Variants in ACVR1 observed in about 807,000 individuals in gnomAD.
ACVR1 encodes activin A receptor type 1.
A neutral mutation model predicts 57.1 loss-of-function variants in ACVR1; 38 were observed. The observed-to-expected ratio is 0.67, with a 90% CI of 0.51 to 0.87. ACVR1 has a LOEUF of 0.87. Among genes scored for constraint, ACVR1 ranks in the 40% least tolerant of loss-of-function variants. The pLI is 0.00. For missense variants in ACVR1, 463 were observed against 638.2 expected (o/e 0.73, Z 2.96); for synonymous variants, 212 against 228.1 (o/e 0.93, Z 0.63).
intron 2 of ACVR1, among the ~76,000 whole-genome samples, chr2:157,808,188 T>G (rs1322197653): frequency 2.0e-5 from 3 of 152,134 alleles, no homozygotes; most frequent in Admixed American, 6.5e-5. Flanking sequence ...AATTTTTTAT[T>G]GTGTTTCTCC....
intron 9 of ACVR1, among the ~76,000 whole-genome samples, chr2:157,744,647 T>G (rs1684897238): frequency 6.6e-6 from 1 of 152,210 alleles, no homozygotes; most frequent in African/African-American, 2.4e-5. Flanking sequence ...TGGGAAACAC[T>G]GAGTTCACAG....
intron 2 of ACVR1, among the ~76,000 whole-genome samples, chr2:157,815,887 A>G (rs1258412728): frequency 6.6e-6 from 1 of 152,190 alleles, no homozygotes; most frequent in African/African-American, 2.4e-5. Context: ...TCCAATGTCA[A>G]CAGTCATGGC....
chr2:157,852,849 A>C (rs555536750), intron 1 of ACVR1, among the ~76,000 whole-genome samples: 1 of 152,318 alleles, frequency 6.6e-6, no homozygotes, highest in African/African-American at 2.4e-5. Context: ...ACACTCAGGC[A>C]CTAGGTACTG....
chr2:157,794,974 G>A (rs1257757674), intron 3 of ACVR1, among the ~76,000 whole-genome samples: 2 of 151,232 alleles, frequency 1.3e-5, no homozygotes, highest in Non-Finnish European at 1.5e-5. Context: ...GGAGACAAAG[G>A]GGTAAAAGTT....
At chr2:157,793,815 G>GT (rs1301377304) in intron 3 of ACVR1, among the ~76,000 whole-genome samples, 2 of 152,108 alleles carry the variant, frequency 1.3e-5, no homozygotes, top group Non-Finnish European at 2.9e-5. Context: ...AGCAAAGAGG[G>GT]GCACCTTTGT....
chr2:157,821,012 A>C (rs1366151516), intron 1 of ACVR1, among the ~76,000 whole-genome samples: 1 of 152,222 alleles, frequency 6.6e-6, no homozygotes, highest in Non-Finnish European at 1.5e-5. Flanking sequence ...ACTGTGGTGT[A>C]CTATAAGAAA....
At chr2:157,753,071 C>T (rs1685270000) in intron 9 of ACVR1, among the ~76,000 whole-genome samples, 1 of 152,102 alleles carries the variant, frequency 6.6e-6, no homozygotes, top group Non-Finnish European at 1.5e-5. Flanking sequence ...AAGAGACTCA[C>T]CTAACACATA....
intron 1 of ACVR1, among the ~76,000 whole-genome samples, chr2:157,849,911 A>C (rs1035352076): frequency 4.6e-5 from 7 of 152,222 alleles, no homozygotes; most frequent in African/African-American, 1.7e-4. Flanking sequence ...TTAAACCAGT[A>C]ACATTTCTAT....
intron 5 of ACVR1, among the ~76,000 whole-genome samples, chr2:157,774,903 T>C (rs1437547558): frequency 6.6e-6 from 1 of 152,118 alleles, no homozygotes; most frequent in Non-Finnish European, 1.5e-5. Flanking sequence ...GGGGGGGTCC[T>C]TTCAACTTCA....
intron 9 of ACVR1, among the ~76,000 whole-genome samples, chr2:157,744,544 GAGTT>G (rs1200961450): frequency 6.6e-6 from 1 of 152,166 alleles, no homozygotes; most frequent in African/African-American, 2.4e-5. Flanking sequence ...ACTTTGAAAA[GAGTT>G]AGCCAATTTG....
chr2:157,807,854 TGG>T (rs57885640), intron 2 of ACVR1, among the ~76,000 whole-genome samples: 4 of 31,094 alleles, frequency 1.3e-4, no homozygotes, highest in African/African-American at 3.3e-4. Flanking sequence ...TATAATAATT[TGG>T]GGGGGGGGGT....
chr2:157,816,837 C>T (rs1010692185), intron 2 of ACVR1, among the ~76,000 whole-genome samples: 4 of 152,178 alleles, frequency 2.6e-5, no homozygotes, highest in African/African-American at 7.2e-5. Flanking sequence ...AAGACACACA[C>T]ATCAACATTT....
chr2:157,803,947 A>T (rs529840910), intron 2 of ACVR1, among the ~76,000 whole-genome samples: 70 of 152,242 alleles, frequency 4.6e-4, no homozygotes, highest in African/African-American at 1.7e-3. Context: ...ATGTATTTTT[A>T]AAAAACATGT....
At chr2:157,822,847 GA>G (rs1270976286) in intron 1 of ACVR1, among the ~76,000 whole-genome samples, 2 of 152,170 alleles carry the variant, frequency 1.3e-5, no homozygotes, top group Admixed American at 6.5e-5. Flanking sequence ...TGGCCCTTTA[GA>G]AAGAGACTTT....
intron 1 of ACVR1, among the ~76,000 whole-genome samples, chr2:157,872,191 T>C (rs1199305034): frequency 6.6e-6 from 1 of 152,226 alleles, no homozygotes; most frequent in Non-Finnish European, 1.5e-5. Context: ...AAAGCCACAG[T>C]GCCCGGTGCT....
At chr2:157,782,542 A>G (rs1342986267) in intron 3 of ACVR1, among the ~76,000 whole-genome samples, 1 of 152,208 alleles carries the variant, frequency 6.6e-6, no homozygotes, top group Non-Finnish European at 1.5e-5. Flanking sequence ...ATATCTGTTG[A>G]CATAATCCAG....
At chr2:157,783,179 T>TA (rs1686591147) in intron 3 of ACVR1, among the ~76,000 whole-genome samples, 2 of 152,128 alleles carry the variant, frequency 1.3e-5, no homozygotes, top group Non-Finnish European at 2.9e-5. Flanking sequence ...TGCCAAATTT[T>TA]AAAAAAATAA....
chr2:157,817,277 G>A (rs1280711492), intron 2 of ACVR1, among the ~76,000 whole-genome samples: 1 of 152,034 alleles, frequency 6.6e-6, no homozygotes, highest in Non-Finnish European at 1.5e-5. Flanking sequence ...GCTTCTTTAT[G>A]CTTTCAAAGC....
chr2:157,827,102 G>A (rs2105339632), intron 1 of ACVR1, among the ~76,000 whole-genome samples: 1 of 152,192 alleles, frequency 6.6e-6, no homozygotes. Context: ...AGCAGTAGCA[G>A]AAAGTACCAA....
Sources: gnomAD v4.1 joint callset for allele counts (sites outside exome capture counted in the v4.1 genomes callset) on GRCh38, gnomAD v4.1.1 for gene constraint, MANE v1.5 for transcripts, NCBI Gene and HGNC (gene_info 2026-07-23, HGNC 2026-07-21) for gene names.